Variants in PSTPIP2 observed in about 807,000 individuals in gnomAD.
PSTPIP2 encodes the protein proline-serine-threonine phosphatase-interacting protein 2.
PSTPIP2 carries 33 observed loss-of-function variants against 63.3 expected under a neutral mutation model. The ratio of observed to expected loss-of-function variants is 0.52; its 90% CI spans 0.40 to 0.70. The LOEUF (loss-of-function observed/expected upper bound fraction) is 0.70. Among genes scored for constraint, PSTPIP2 ranks in the 30% least tolerant of loss-of-function variants. The probability of loss-of-function intolerance (pLI) is 0.00; values close to 1 mark genes in which losing one functional copy is unlikely to be tolerated. For synonymous variants in PSTPIP2, 125 were observed against 132.7 expected (o/e 0.94, Z 0.40); for missense variants, 312 against 400.7 (o/e 0.78, Z 1.89).
intron 2 of PSTPIP2, among the ~76,000 whole-genome samples, chr18:46,027,338 AAAT>A (rs1453321065): frequency 2.6e-5 from 3 of 113,768 alleles, no homozygotes; most frequent in Non-Finnish European, 4.1e-5. Flanking sequence ...ATAAATAAAT[AAAT>A]AAAAATATTA....
In PSTPIP2 at chr18:45,988,749, A is replaced by C. The variant is rs148781217; in HGVS notation, c.966T>G (p.Asn322Lys). 2.9e-4 allele frequency: 451 copies of C among 1,563,974 alleles called. No homozygotes were observed. In the African/African-American group the frequency reaches 5.5e-3, roughly 19 times the overall value. ...PIPKSSPDDP[N>K]YSLVDDYSLL... is the part of the protein sequence containing the mutation. ...AACTGTAGTCATCAACCAAAGAGTA[A>C]TTGGGATCATCTGCAAAAGGCAGAA... The change falls in exon 14 of 15, where the codon AAT (asparagine) becomes AAG (lysine). Residue 322 changes from asparagine (N) to lysine (K), a missense_variant. Coordinates refer to ENST00000409746, the MANE Select transcript of PSTPIP2 (RefSeq NM_024430.4).
intron 4 of PSTPIP2, among the ~76,000 whole-genome samples, chr18:46,013,073 G>T (rs892196821): frequency 1.3e-5 from 2 of 150,896 alleles, no homozygotes; most frequent in Non-Finnish European, 3.0e-5. Flanking sequence ...TAATTTTTAA[G>T]ATAAATATAT....
intron 9 of PSTPIP2, among the ~76,000 whole-genome samples, chr18:45,994,127 G>A (rs547705070): frequency 7.2e-5 from 11 of 152,232 alleles, no homozygotes; most frequent in African/African-American, 2.6e-4. Context: ...GAGTACATGG[G>A]AGGCCGTGTA....
chr18:46,015,781 AG>A (rs2051846634), intron 4 of PSTPIP2, 121 bp downstream of exon 4: 1 of 1,046,776 alleles, frequency 9.6e-7, no homozygotes, highest in South Asian at 1.5e-5. Context: ...TCACCTTAGG[AG>A]TTGCTCTAAT....
chr18:46,016,499 T>C (rs1178369259), intron 3 of PSTPIP2, among the ~76,000 whole-genome samples: 1 of 152,240 alleles, frequency 6.6e-6, no homozygotes, highest in Non-Finnish European at 1.5e-5. Context: ...TTATTGACCA[T>C]AAACCATGGG....
chr18:46,028,098 T>G (rs187654536), intron 2 of PSTPIP2, among the ~76,000 whole-genome samples: 3 of 151,970 alleles, frequency 2.0e-5, no homozygotes, highest in African/African-American at 7.3e-5. Context: ...GAGGCGGAGG[T>G]TGCAGTGAGC....
rs1568205974 is a variant in PSTPIP2 at position 45,985,282 on chromosome 18, T to C, written c.*177A>G. 1.2e-6 allele frequency: 1 copy of C among 814,240 alleles called. No homozygotes were observed. The highest frequency in any genetic ancestry group is 1.9e-6 in the Non-Finnish European group (1 of 526,422). 50.4% of individuals were successfully genotyped at this position (814,240 alleles called of 1,614,324 possible). On this transcript the variant is annotated 3_prime_UTR_variant, in exon 15 of 15. Transcript: ENST00000409746. ...TAAACTTCAAAAAACTGCAGAACTC[T>C]ACTTGCTTATGTTGTCCTAAATGTC...
intron 1 of PSTPIP2, among the ~76,000 whole-genome samples, chr18:46,067,733 T>C (rs1043874173): frequency 2.0e-5 from 3 of 152,154 alleles, no homozygotes; most frequent in African/African-American, 7.2e-5. Context: ...GCTATTTCTG[T>C]ATCACCTCTT....
chr18:45,991,825 A>T, intron 12 of PSTPIP2, 77 bp downstream of exon 12: 1 of 1,370,204 alleles, frequency 7.3e-7, no homozygotes, highest in South Asian at 1.3e-5. Flanking sequence ...TTCCAATTCT[A>T]ACATGTCTTA....
rs1363925857 is a variant in PSTPIP2 at position 46,072,094 on chromosome 18, G to A, written c.33+62C>T. On this transcript the variant is annotated intron_variant, in intron 1 of 14. Coordinates refer to ENST00000409746, the MANE Select transcript of PSTPIP2 (RefSeq NM_024430.4). ...CTGGGGAGCCCCCCACGCCCGCCGC[G>A]TTGGCCTCCCGCCCGGGCCGGGTCC... The A allele has an allele frequency of 2.0e-5, 30 of 1,507,538 alleles. No homozygotes were observed. In the East Asian group the frequency reaches 8.4e-4, roughly 42 times the overall value. 93.4% of individuals were successfully genotyped at this position (1,507,538 alleles called of 1,614,324 possible).
At chr18:46,065,625 C>T (rs1018138275) in intron 1 of PSTPIP2, among the ~76,000 whole-genome samples, 3 of 152,170 alleles carry the variant, frequency 2.0e-5, no homozygotes, top group Admixed American at 6.6e-5. Context: ...CACCACCACG[C>T]CCGGCTAATT....
chr18:46,043,614 T>C (rs1908274399), intron 1 of PSTPIP2, among the ~76,000 whole-genome samples: 1 of 152,150 alleles, frequency 6.6e-6, no homozygotes. Flanking sequence ...CGATGTCTGC[T>C]CTCACTACTT....
At chr18:46,030,503 C>T (rs1599728140) in intron 2 of PSTPIP2, among the ~76,000 whole-genome samples, 2 of 152,286 alleles carry the variant, frequency 1.3e-5, no homozygotes, top group East Asian at 3.9e-4. Flanking sequence ...ATATTGTTTA[C>T]ATTTTGTTTC....
At chr18:45,995,991 T>C (rs900631278) in intron 9 of PSTPIP2, among the ~76,000 whole-genome samples, 1 of 152,226 alleles carries the variant, frequency 6.6e-6, no homozygotes, top group South Asian at 2.1e-4. Flanking sequence ...AATTTTTGTA[T>C]TTTTAGTAGA....
At chr18:46,045,743 A>C (rs1401460313) in intron 1 of PSTPIP2, among the ~76,000 whole-genome samples, 1 of 152,196 alleles carries the variant, frequency 6.6e-6, no homozygotes, top group Admixed American at 6.5e-5. Flanking sequence ...CATTTTTTTA[A>C]AGAAAAACAA....
At chr18:46,067,309 T>C (rs566237241) in intron 1 of PSTPIP2, among the ~76,000 whole-genome samples, 1 of 151,748 alleles carries the variant, frequency 6.6e-6, no homozygotes, top group South Asian at 2.1e-4. Flanking sequence ...GAGACCATCC[T>C]GGCTAACACG....
At chr18:46,027,790 G>T (rs189756423) in intron 2 of PSTPIP2, among the ~76,000 whole-genome samples, 47 of 152,244 alleles carry the variant, frequency 3.1e-4, no homozygotes, top group Middle Eastern at 3.4e-3. Flanking sequence ...TACTAAAATT[G>T]AAATAATAGT....
chr18:45,992,209 A>G lies in PSTPIP2; in HGVS notation c.742-7T>C, dbSNP rs1176756235. On this transcript the variant is annotated splice_polypyrimidine_tract_variant and splice_region_variant and intron_variant, in intron 10 of 14. Coordinates refer to ENST00000409746, the MANE Select transcript of PSTPIP2 (RefSeq NM_024430.4). ...TTCGGACTTGTTCGTACATCTAATA[A>G]AAAAAGGTCAATTAATAGGTAGAGG... 1 of 1,557,152 alleles carries G rather than the reference A, an allele frequency of 6.4e-7. No homozygotes were observed.
intron 1 of PSTPIP2, among the ~76,000 whole-genome samples, chr18:46,063,614 T>TACACACAC (rs34948592): frequency 7.4e-5 from 11 of 148,588 alleles, no homozygotes; most frequent in African/African-American, 2.5e-4. Context: ...ACATGTGAAT[T>TACACACAC]ACACACACAC....
Sources: allele counts gnomAD v4.1 joint callset (sites outside exome capture counted in the v4.1 genomes callset), GRCh38; gene constraint gnomAD v4.1.1; transcripts MANE v1.5; gene names NCBI Gene and HGNC (gene_info 2026-07-23, HGNC 2026-07-21).